MACROD2: variants seen among roughly 807,000 people sequenced by gnomAD.
MACROD2 encodes the protein mono-ADP ribosylhydrolase 2, also known as ADP-ribose glycohydrolase MACROD2.
In MACROD2, 36 loss-of-function variants were observed where a neutral mutation model predicts 70.4. The ratio of observed to expected loss-of-function variants is 0.51; its 90% CI spans 0.39 to 0.68. The LOEUF (loss-of-function observed/expected upper bound fraction) is 0.68, where lower values mean the gene tolerates loss of function less well. Ranked by LOEUF, MACROD2 falls within the 30% of genes least tolerant of loss-of-function variation. MACROD2 has a pLI of 0.00. For synonymous variants in MACROD2, 172 were observed against 178.8 expected, an observed-to-expected ratio of 0.96 and a Z score of 0.30; for missense variants, 496 against 538.4, an observed-to-expected ratio of 0.92 and a Z score of 0.78.
At chr20:15,273,180 T>C (rs2077360523) in intron 6 of MACROD2, among the ~76,000 whole-genome samples, 1 of 152,094 alleles carries the variant, frequency 6.6e-6, no homozygotes, top group Admixed American at 6.6e-5. Context: ...CTTAATCTGA[T>C]GGGCACAATC....
intron 3 of MACROD2, among the ~76,000 whole-genome samples, chr20:14,394,623 A>G (rs1347438616): frequency 6.6e-6 from 1 of 152,160 alleles, no homozygotes; most frequent in African/African-American, 2.4e-5. Flanking sequence ...AGCTCCCCAT[A>G]CAATGCTGAA....
At chr20:15,869,428 T>C (rs1163922888) in intron 9 of MACROD2, among the ~76,000 whole-genome samples, 1 of 151,092 alleles carries the variant, frequency 6.6e-6, no homozygotes, top group African/African-American at 2.4e-5. Flanking sequence ...AAAAAATTAA[T>C]AGAAAAAAAG....
intron 4 of MACROD2, among the ~76,000 whole-genome samples, chr20:14,533,490 A>T (rs547363591): frequency 6.6e-6 from 1 of 152,278 alleles, no homozygotes; most frequent in South Asian, 2.1e-4. Flanking sequence ...AAAATAAATG[A>T]CCTCTAGGTT....
At chr20:14,947,864 C>T (rs1040675340) in intron 5 of MACROD2, among the ~76,000 whole-genome samples, 3 of 152,170 alleles carry the variant, frequency 2.0e-5, no homozygotes, top group African/African-American at 7.2e-5. Flanking sequence ...AATGCTTCTA[C>T]AGCCACGATC....
chr20:14,265,457 A>G (rs1386949307), intron 3 of MACROD2, among the ~76,000 whole-genome samples: 1 of 151,940 alleles, frequency 6.6e-6, no homozygotes, highest in African/African-American at 2.4e-5. Flanking sequence ...CTCAATATAC[A>G]CTCTTATCCA....
chr20:14,282,392 G>A (rs1035693233), intron 3 of MACROD2, among the ~76,000 whole-genome samples: 4 of 152,150 alleles, frequency 2.6e-5, no homozygotes, highest in Admixed American at 6.5e-5. Flanking sequence ...ACTGACTCAC[G>A]TGGCTGGCAG....
At chr20:15,048,793 A>T (rs562854696) in intron 5 of MACROD2, among the ~76,000 whole-genome samples, 1 of 152,154 alleles carries the variant, frequency 6.6e-6, no homozygotes, top group Non-Finnish European at 1.5e-5. Flanking sequence ...TCACCTCAAC[A>T]TACCCCCATC....
intron 5 of MACROD2, among the ~76,000 whole-genome samples, chr20:14,798,472 A>G (rs2072537140): frequency 6.6e-6 from 1 of 152,050 alleles, no homozygotes; most frequent in African/African-American, 2.4e-5. Flanking sequence ...TCATGTGTGT[A>G]ACATGGTATG....
chr20:14,078,799 T>C (rs1334027839), intron 2 of MACROD2, among the ~76,000 whole-genome samples: 1 of 152,206 alleles, frequency 6.6e-6, no homozygotes, highest in Non-Finnish European at 1.5e-5. Flanking sequence ...CTAGTAAAAA[T>C]TTTGTTTGTT....
intron 3 of MACROD2, among the ~76,000 whole-genome samples, chr20:14,095,335 T>C (rs2054208089): frequency 6.6e-6 from 1 of 152,076 alleles, no homozygotes; most frequent in Non-Finnish European, 1.5e-5. Flanking sequence ...CCATAGAGGA[T>C]AGGAAATGTA....
chr20:15,432,937 A>G (rs1248094057), intron 7 of MACROD2, among the ~76,000 whole-genome samples: 1 of 152,030 alleles, frequency 6.6e-6, no homozygotes, highest in Non-Finnish European at 1.5e-5. Flanking sequence ...GGGAAGGACC[A>G]TAAAATTAGA....
intron 3 of MACROD2, among the ~76,000 whole-genome samples, chr20:14,147,028 C>A (rs532071698): frequency 1.3e-5 from 2 of 152,064 alleles, no homozygotes; most frequent in Non-Finnish European, 2.9e-5. Context: ...GTCAGCTTTT[C>A]CTGTAGTATG....
At chr20:15,712,518 T>A (rs760688231) in intron 8 of MACROD2, among the ~76,000 whole-genome samples, 51 of 152,186 alleles carry the variant, frequency 3.4e-4, no homozygotes, top group Admixed American at 1.0e-3. Flanking sequence ...TCTAGACCTA[T>A]CACTAACAGG....
At chr20:14,124,541 G>A (rs900581052) in intron 3 of MACROD2, among the ~76,000 whole-genome samples, 1 of 152,108 alleles carries the variant, frequency 6.6e-6, no homozygotes, top group African/African-American at 2.4e-5. Flanking sequence ...CATGATCCTG[G>A]AACTGAAATG....
chr20:14,727,066 T>A (rs1473886362), intron 5 of MACROD2, among the ~76,000 whole-genome samples: 1 of 152,198 alleles, frequency 6.6e-6, no homozygotes, highest in African/African-American at 2.4e-5. Flanking sequence ...GTATACAATT[T>A]GTTCAATGTA....
chr20:14,505,457 C>A (rs1266846006), intron 4 of MACROD2, among the ~76,000 whole-genome samples: 1 of 152,152 alleles, frequency 6.6e-6, no homozygotes, highest in African/African-American at 2.4e-5. Flanking sequence ...TTAATTCATC[C>A]TTTAAAAAAT....
At position 14,444,494 on chromosome 20, in the gene MACROD2, T is replaced by C. The variant is rs140345207; in HGVS notation, c.272-48985T>C. On this transcript the variant is annotated intron_variant, in intron 3 of 17. Transcript: ENST00000684519. ...TCCTTATCTGCCCAGCCTCTTAATA[T>C]TGAAATAACCCGTGGAACACTCTTT... Among the ~76,000 whole-genome samples, 182 of 152,174 alleles carry C rather than the reference T, an allele frequency of 1.2e-3. 1 individual carries two copies. The highest frequency in any genetic ancestry group is 4.0e-3 in the African/African-American group (167 of 41,456).
chr20:14,036,178 A>G (rs77562341), intron 2 of MACROD2, among the ~76,000 whole-genome samples: 4 of 152,168 alleles, frequency 2.6e-5, no homozygotes, highest in South Asian at 2.1e-4. Flanking sequence ...CAGTTATTCA[A>G]TAATGAATAA....
intron 5 of MACROD2, among the ~76,000 whole-genome samples, chr20:14,976,190 A>G (rs898022847): frequency 1.3e-5 from 2 of 152,124 alleles, no homozygotes; most frequent in African/African-American, 2.4e-5. Context: ...AAATTACCAC[A>G]GATTTCATGC....
Sources: allele counts gnomAD v4.1 joint callset (sites outside exome capture counted in the v4.1 genomes callset), GRCh38; gene constraint gnomAD v4.1.1; transcripts MANE v1.5; gene names NCBI Gene and HGNC (gene_info 2026-07-23, HGNC 2026-07-21).